Variants in DENND1A observed in about 807,000 individuals in gnomAD.
DENND1A encodes the protein DENN domain containing 1A.
DENND1A carries 51 observed loss-of-function variants against 113.7 expected under a neutral mutation model. The observed-to-expected ratio is 0.45, with a 90% CI of 0.36 to 0.57. DENND1A has a LOEUF of 0.57. Among genes scored for constraint, DENND1A ranks in the 20% least tolerant of loss-of-function variants. The pLI is 0.00. For synonymous variants in DENND1A, 565 were observed against 570.8 expected, an observed-to-expected ratio of 0.99 and a Z score of 0.14; for missense variants, 1,258 against 1,395.9, an observed-to-expected ratio of 0.90 and a Z score of 1.57.
intron 13 of DENND1A, among the ~76,000 whole-genome samples, chr9:123,546,933 A>T (rs1437376380): frequency 1.3e-5 from 2 of 152,210 alleles, no homozygotes; most frequent in South Asian, 4.1e-4. Flanking sequence ...GAAATCATTC[A>T]GTTGAGATTG....
At chr9:123,608,597 T>C (rs1470456681) in intron 11 of DENND1A, among the ~76,000 whole-genome samples, 1 of 152,238 alleles carries the variant, frequency 6.6e-6, no homozygotes. Context: ...AAAGAATTGC[T>C]ATCTAATTGG....
chr9:123,485,804 A>G (rs768735699), intron 13 of DENND1A, among the ~76,000 whole-genome samples: 3 of 152,178 alleles, frequency 2.0e-5, no homozygotes, highest in Non-Finnish European at 4.4e-5. Flanking sequence ...AGTTTCCTGG[A>G]TATAAGGAAT....
At chr9:123,735,252 C>CGAGT (rs1286851231) in intron 5 of DENND1A, among the ~76,000 whole-genome samples, 2 of 152,292 alleles carry the variant, frequency 1.3e-5, no homozygotes, top group East Asian at 3.9e-4. Flanking sequence ...CAGGAAGGAA[C>CGAGT]GAGTTCATGG....
chr9:123,521,892 G>T (rs1329033681), intron 13 of DENND1A, among the ~76,000 whole-genome samples: 4 of 152,176 alleles, frequency 2.6e-5, no homozygotes, highest in Non-Finnish European at 5.9e-5. Context: ...CAGTGAATCT[G>T]TGTAAGAAAT....
At chr9:123,812,164 T>A (rs1470532035) in intron 2 of DENND1A, among the ~76,000 whole-genome samples, 1 of 152,190 alleles carries the variant, frequency 6.6e-6, no homozygotes, top group African/African-American at 2.4e-5. Flanking sequence ...TATATATAAA[T>A]GCACCCATGA....
chr9:123,576,693 T>C (rs149473638), intron 12 of DENND1A, among the ~76,000 whole-genome samples: 344 of 152,302 alleles, frequency 2.3e-3, no homozygotes, highest in African/African-American at 8.1e-3. Flanking sequence ...TTTCACCATG[T>C]TGGCCAGGCT....
intron 5 of DENND1A, among the ~76,000 whole-genome samples, chr9:123,718,758 T>A (rs1452908288): frequency 6.6e-6 from 1 of 152,190 alleles, no homozygotes; most frequent in Non-Finnish European, 1.5e-5. Context: ...TGGGACAATG[T>A]TCTTTTCAAA....
At chr9:123,595,214 T>C (rs915903697) in intron 11 of DENND1A, among the ~76,000 whole-genome samples, 1 of 152,122 alleles carries the variant, frequency 6.6e-6, no homozygotes, top group African/African-American at 2.4e-5. Flanking sequence ...TGTAAGCACC[T>C]CCCAGGTCAG....
intron 18 of DENND1A, among the ~76,000 whole-genome samples, chr9:123,446,758 A>C (rs1302483334): frequency 2.0e-5 from 3 of 152,140 alleles, no homozygotes; most frequent in African/African-American, 4.8e-5. Context: ...TCAAGGCTGC[A>C]GTGATTGTGC....
chr9:123,574,224 G>T (rs2058515477), intron 12 of DENND1A, among the ~76,000 whole-genome samples: 1 of 146,300 alleles, frequency 6.8e-6, no homozygotes, highest in Non-Finnish European at 1.5e-5. Context: ...TTTCAAGTTG[G>T]GGTAAAGCTG....
chr9:123,880,373 G>T (rs1286173940), intron 1 of DENND1A, among the ~76,000 whole-genome samples: 1 of 152,044 alleles, frequency 6.6e-6, no homozygotes, highest in Non-Finnish European at 1.5e-5. Context: ...AGAATACTGT[G>T]GTTATATTAT....
At chr9:123,644,169 G>A (rs1444457468) in intron 9 of DENND1A, among the ~76,000 whole-genome samples, 1 of 151,658 alleles carries the variant, frequency 6.6e-6, no homozygotes, top group African/African-American at 2.4e-5. Flanking sequence ...CTGCAAGAAC[G>A]AATGAAAAAA....
intron 2 of DENND1A, among the ~76,000 whole-genome samples, chr9:123,810,568 A>C (rs1466198902): frequency 6.6e-6 from 1 of 150,884 alleles, no homozygotes; most frequent in Non-Finnish European, 1.5e-5. Flanking sequence ...AAAAAAAAAA[A>C]ACAAACATAC....
intron 6 of DENND1A, among the ~76,000 whole-genome samples, chr9:123,674,535 CAATT>C (rs961593601): frequency 3.3e-5 from 5 of 152,134 alleles, no homozygotes; most frequent in Non-Finnish European, 5.9e-5. Flanking sequence ...ACCTTGCAAA[CAATT>C]AAGCCAATTA....
chr9:123,716,232 C>T (rs768242512), intron 5 of DENND1A, among the ~76,000 whole-genome samples: 1 of 152,218 alleles, frequency 6.6e-6, no homozygotes, highest in African/African-American at 2.4e-5. Flanking sequence ...AGCATCTTCA[C>T]AGATCTCTAC....
At chr9:123,484,853 G>T (rs2050658885) in intron 13 of DENND1A, among the ~76,000 whole-genome samples, 1 of 152,170 alleles carries the variant, frequency 6.6e-6, no homozygotes, top group Admixed American at 6.5e-5. Context: ...GAGCCCAGCA[G>T]ACCTGATCCC....
At chr9:123,837,670 A>G (rs1005863692) in intron 2 of DENND1A, among the ~76,000 whole-genome samples, 13 of 152,224 alleles carry the variant, frequency 8.5e-5, no homozygotes, top group African/African-American at 2.9e-4. Flanking sequence ...CCCTGACTCT[A>G]TCATGGCAAT....
chr9:123,554,926 A>G (rs1407926371), intron 13 of DENND1A, among the ~76,000 whole-genome samples: 1 of 152,230 alleles, frequency 6.6e-6, no homozygotes, highest in East Asian at 1.9e-4. Context: ...ATAGCCATTA[A>G]AACTATCATA....
At chr9:123,743,544 C>G (rs979997945) in intron 5 of DENND1A, among the ~76,000 whole-genome samples, 1 of 151,676 alleles carries the variant, frequency 6.6e-6, no homozygotes, top group African/African-American at 2.4e-5. Context: ...CCAGCCTGAC[C>G]AATATGGTGA....
Sources: gnomAD v4.1 joint callset for allele counts (sites outside exome capture counted in the v4.1 genomes callset) on GRCh38, gnomAD v4.1.1 for gene constraint, MANE v1.5 for transcripts, NCBI Gene and HGNC (gene_info 2026-07-23, HGNC 2026-07-21) for gene names.